DNAH10: variants seen among roughly 807,000 people sequenced by gnomAD.
DNAH10 encodes dynein axonemal heavy chain 10, also known as axonemal beta dynein heavy chain 10.
Under a neutral mutation model 506.6 loss-of-function variants are expected in DNAH10, and 348 were observed. The ratio of observed to expected loss-of-function variants is 0.69; its 90% CI spans 0.63 to 0.75. DNAH10 has a LOEUF of 0.75. DNAH10 is among the 30% of genes least tolerant of loss of function. The probability of loss-of-function intolerance (pLI) is 0.00; values close to 1 mark genes in which losing one functional copy is unlikely to be tolerated. For synonymous variants in DNAH10, 2,059 were observed against 2,198.6 expected, an observed-to-expected ratio of 0.94 and a Z score of 1.78; for missense variants, 5,179 against 5,787.1, an observed-to-expected ratio of 0.89 and a Z score of 3.41.
At chr12:123,879,969 G>A (rs985126345) in intron 50 of DNAH10, among the ~76,000 whole-genome samples, 168 bp downstream of exon 50, 2 of 152,216 alleles carry the variant, frequency 1.3e-5, no homozygotes, top group African/African-American at 4.8e-5. Flanking sequence ...CAGCATGCTT[G>A]GGAGTGACGT....
In DNAH10 at chr12:123,783,987, G is replaced by C; in HGVS notation, c.1040G>C (p.Arg347Thr). The change falls in exon 8 of 79, where the codon AGA becomes ACA. Residue 347 changes from arginine (R) to threonine (T), a missense_variant. Arg to Thr is a moderately conservative substitution (Grantham distance 71, BLOSUM62 -1). Around this residue, in one of 3 missense-constraint regions of DNAH10, gnomAD observed 4,844 missense variants for 5,430.5 expected, o/e 0.89. Transcript: ENST00000673944. ...PLAEIEFWRE[R>T]NATLSALHEQ... ...GCTGAAATTGAATTCTGGAGGGAAA[G>C]AAATGCAACCTTAAGTGCGCTGCAT... 6.2e-7 allele frequency: 1 copy of C among 1,614,232 alleles called. No individual in the cohort carries two copies. Among genetic ancestry groups the C allele is most frequent in the Non-Finnish European group, 8.5e-7 (1 of 1,180,046 alleles).
intron 77 of DNAH10, chr12:123,934,248 G>C (rs1348708581): frequency 1.4e-6 from 1 of 699,120 alleles, no homozygotes; most frequent in African/African-American, 1.7e-5. Context: ...TCGGCTCACA[G>C]GGTAGCTGGG....
intron 48 of DNAH10, among the ~76,000 whole-genome samples, chr12:123,878,932 A>C (rs867334190): frequency 6.6e-6 from 1 of 152,156 alleles, no homozygotes; most frequent in African/African-American, 2.4e-5. Flanking sequence ...AGAAGTTGCC[A>C]GTGACCCTGA....
chr12:123,766,850 TG>T (rs1169270090), intron 1 of DNAH10, among the ~76,000 whole-genome samples: 1 of 152,106 alleles, frequency 6.6e-6, no homozygotes, highest in Non-Finnish European at 1.5e-5. Flanking sequence ...TTTATGTAAA[TG>T]TTAGTGTAGT....
chr12:123,816,161 G>A lies in DNAH10; in HGVS notation c.3780+2249G>A, dbSNP rs115313668. On this transcript the variant is annotated intron_variant, in intron 21 of 78. Transcript: ENST00000673944. ...TTGTTCTTTGTCCCTGGTTCCTGGC[G>A]CACAGCCTCTCAAATCCTTGGACTC... Among the ~76,000 whole-genome samples, 522 of 152,308 alleles carry A rather than the reference G, an allele frequency of 3.4e-3. 5 individuals carry two copies. Among genetic ancestry groups the A allele is most frequent in the African/African-American group, 0.01 (422 of 41,560 alleles).
chr12:123,879,476 G>A, intron 49 of DNAH10, 119 bp downstream of exon 49: 2 of 1,433,608 alleles, frequency 1.4e-6, no homozygotes, highest in Non-Finnish European at 9.5e-7. Context: ...GGTCAATGGG[G>A]CAAAGGAGGG....
chr12:123,767,417 C>G (rs974448095), intron 1 of DNAH10, among the ~76,000 whole-genome samples, 189 bp from the exon 2 acceptor site: 5 of 152,174 alleles, frequency 3.3e-5, no homozygotes, highest in Non-Finnish European at 4.4e-5. Flanking sequence ...AGAATTTGCA[C>G]AAACCTCCTT....
rs141501271 is a variant in DNAH10 at position 123,805,371 on chromosome 12, C to T, written c.2987+331C>T. 1.8e-3 allele frequency among the ~76,000 whole-genome samples: 277 copies of T among 152,318 alleles called. 2 individuals are homozygous for T. The highest frequency in any genetic ancestry group is 3.5e-3 in the Admixed American group (54 of 15,290). On this transcript the variant is annotated intron_variant, in intron 18 of 78. Transcript: ENST00000673944. ...CCTTGTTCATGTTGAGAGTGACAGA[C>T]GTGAAGGACACATGGCCTATTCCTT... is the stretch of plus-strand genomic sequence containing the variant.
intron 30 of DNAH10, among the ~76,000 whole-genome samples, chr12:123,844,811 G>A (rs545944430): frequency 1.3e-4 from 20 of 152,074 alleles, no homozygotes; most frequent in African/African-American, 4.3e-4. Context: ...GCTAATTTTT[G>A]TATTTTTGGT....
At chr12:123,852,141 C>T (rs575669109) in intron 35 of DNAH10, among the ~76,000 whole-genome samples, 1 of 152,318 alleles carries the variant, frequency 6.6e-6, no homozygotes, top group Admixed American at 6.5e-5. Context: ...ATTCTTCAGT[C>T]AGTGTAATTT....
chr12:123,785,680 G>T lies in DNAH10; in HGVS notation c.1231-66G>T. The T allele has an allele frequency of 5.7e-5, 65 of 1,149,762 alleles. No homozygotes were observed. The highest frequency in any genetic ancestry group is 2.4e-4 in the Middle Eastern group (1 of 4,144). The allele number at this position is 1,149,762 out of a possible 1,614,324, so 71.2% of individuals were successfully genotyped here. A position where few individuals can be genotyped will look rare whatever the true frequency, so the allele number is the denominator to read the frequency against. On this transcript the variant is annotated intron_variant, in intron 8 of 78. Coordinates refer to ENST00000673944, the MANE Select transcript of DNAH10 (RefSeq NM_001372106.1). This position sits in a 1 kb window ranked among gnomAD's most constrained non-coding sequence, Gnocchi z 4.1. ...GAGTGAAACTTCTTGCATGCTTACTGTTTTATGAAACTATTTGGACCCCAA... is the reference window on the plus strand; with the variant it reads ...GAGTGAAACTTCTTGCATGCTTACTTTTTTATGAAACTATTTGGACCCCAA...
intron 8 of DNAH10, among the ~76,000 whole-genome samples, chr12:123,784,585 G>T (rs1474237434): frequency 6.6e-6 from 1 of 152,136 alleles, no homozygotes; most frequent in East Asian, 1.9e-4. Context: ...TGATAAAATA[G>T]ACATGACATG....
chr12:123,795,134 G>A (rs1275974765), intron 12 of DNAH10, among the ~76,000 whole-genome samples: 3 of 98,930 alleles, frequency 3.0e-5, no homozygotes, highest in Non-Finnish European at 5.4e-5. Context: ...GGCGACGAGT[G>A]AAACTTCGTC....
rs369395038 is a variant in DNAH10, at chr12:123,917,825, A to G, written c.11232+12A>G. 1.8e-5 allele frequency: 28 copies of G among 1,560,790 alleles called. No individual in the cohort carries two copies. The highest frequency in any genetic ancestry group is 1.7e-4 in the East Asian group (7 of 41,512). ...CCAAGGCAACAGAGGTAGCAACCAC[A>G]GTGGAAGAGGCCGTGAGTCAGGCGG... On this transcript the variant is annotated intron_variant, in intron 64 of 78. Coordinates refer to ENST00000673944, the MANE Select transcript of DNAH10 (RefSeq NM_001372106.1). This position sits in a 1 kb window ranked among gnomAD's most constrained non-coding sequence, Gnocchi z 5.6.
chr12:123,811,299 A>G (rs1045128123), intron 19 of DNAH10, among the ~76,000 whole-genome samples: 6 of 152,074 alleles, frequency 3.9e-5, no homozygotes, highest in Non-Finnish European at 7.4e-5. Flanking sequence ...AGCTCTGAAT[A>G]AATGTTAGCT....
chr12:123,869,694 G>A (rs558102829), intron 43 of DNAH10, among the ~76,000 whole-genome samples: 1 of 152,206 alleles, frequency 6.6e-6, no homozygotes, highest in East Asian at 1.9e-4. Flanking sequence ...CCCAGCCAAG[G>A]CCAACCCAGC....
Position 123,907,433 on chromosome 12 carries a change from C to T in DNAH10, c.9816-1828C>T, listed in dbSNP as rs1953834870. Among the ~76,000 whole-genome samples the T allele has an allele frequency of 6.6e-6, 1 of 152,174 alleles. No individual in the cohort carries two copies. Among genetic ancestry groups the T allele is most frequent in the Non-Finnish European group, 1.5e-5 (1 of 68,034 alleles). On this transcript the variant is annotated intron_variant, in intron 57 of 78. Coordinates refer to ENST00000673944, the MANE Select transcript of DNAH10 (RefSeq NM_001372106.1). This position sits in a 1 kb window ranked among gnomAD's most constrained non-coding sequence, Gnocchi z 4.4. The stretch of plus-strand genomic sequence containing the variant: ...AAGGAATCAAATTAAACAGACATCT[C>T]CCTTTCTCTTGACTTGCACCCTCCA...
In DNAH10 at chr12:123,820,687, C is replaced by T. The variant is rs1212012878; in HGVS notation, c.4108C>T (p.Pro1370Ser). 2 of 1,613,890 alleles carry T rather than the reference C, an allele frequency of 1.2e-6. No homozygotes were observed. The highest frequency in any genetic ancestry group is 3.3e-5 in the Admixed American group (2 of 59,998). The change falls in exon 24 of 79, where the codon CCA becomes TCA. Residue 1370 changes from proline to serine, a missense_variant. Coordinates refer to ENST00000673944, the MANE Select transcript of DNAH10 (RefSeq NM_001372106.1). ...KLFDLPITMYPELLKVQKEMS... is the reference protein window; with the variant it reads ...KLFDLPITMYSELLKVQKEMS... The stretch of plus-strand genomic sequence containing the variant: ...TTTCGATCTTCCTATTACAATGTAC[C>T]CAGAGCTGCTGAAAGTGCAGAAGGA...
intron 38 of DNAH10, among the ~76,000 whole-genome samples, chr12:123,859,787 A>G (rs1278451752): frequency 6.6e-6 from 1 of 152,140 alleles, no homozygotes; most frequent in Non-Finnish European, 1.5e-5. Flanking sequence ...TAATCCCAGC[A>G]CTTTGGGAGG....
Sources: allele counts gnomAD v4.1 joint callset (sites outside exome capture counted in the v4.1 genomes callset), GRCh38; gene constraint gnomAD v4.1.1; regional missense constraint gnomAD v4.1.1; non-coding constraint Gnocchi (gnomAD v3.1); transcripts MANE v1.5; gene names NCBI Gene and HGNC (gene_info 2026-07-23, HGNC 2026-07-21).